The following PHLDB1 variants were observed in gnomAD, a reference collection of about 807,000 sequenced individuals.
The protein encoded by PHLDB1 is pleckstrin homology like domain family B member 1, also known as pleckstrin homology-like domain family B member 1.
Under a neutral mutation model 139.3 loss-of-function variants are expected in PHLDB1, and 65 were observed. The ratio of observed to expected loss-of-function variants is 0.47; its 90% CI spans 0.38 to 0.57. The LOEUF is 0.57. Among genes scored for constraint, PHLDB1 ranks in the 20% least tolerant of loss-of-function variants. PHLDB1 has a pLI of 0.00. For synonymous variants in PHLDB1, 679 were observed against 734.5 expected, an observed-to-expected ratio of 0.92 and a Z score of 1.22; for missense variants, 1,624 against 1,839.7, an observed-to-expected ratio of 0.88 and a Z score of 2.14.
intron 12 of PHLDB1, chr11:118,641,610 C>T: frequency 7.8e-7 from 1 of 1,275,678 alleles, no homozygotes; most frequent in Non-Finnish European, 1.0e-6. Flanking sequence ...GGCCTTGCTC[C>T]AAGTACGTGA....
rs1949135926 is a variant in PHLDB1 at position 118,656,872 on chromosome 11, G to A, written c.*49G>A. On this transcript the variant is annotated 3_prime_UTR_variant, in exon 23 of 23. Coordinates refer to ENST00000600882, the MANE Select transcript of PHLDB1 (RefSeq NM_001144758.3). Reference sequence around the variant, plus strand: ...CACAACTGGGGCTTTTGTATAAGAAGACTTTAATATTCTGTAAGGAGCTTG... The same window carrying A: ...CACAACTGGGGCTTTTGTATAAGAAAACTTTAATATTCTGTAAGGAGCTTG... The A allele has an allele frequency of 6.5e-7, 1 of 1,542,496 alleles. No homozygotes were observed. Among genetic ancestry groups the A allele is most frequent in the Non-Finnish European group, 8.9e-7 (1 of 1,124,170 alleles).
intron 10 of PHLDB1, among the ~76,000 whole-genome samples, chr11:118,636,048 C>T (rs1555115390): frequency 6.6e-6 from 1 of 152,188 alleles, no homozygotes; most frequent in African/African-American, 2.4e-5. Flanking sequence ...TGTGGCCTGG[C>T]CAGCTGTGAC....
Position 118,628,523 on chromosome 11 carries a change from T to TG in PHLDB1, c.1701dup (p.Arg568AlafsTer11). On this transcript the variant is annotated frameshift_variant, in exon 6 of 23. Transcript: ENST00000600882. LOFTEE classifies it high-confidence loss of function. ...CAGAGGAAGCTCTCCAGCGGGGACT[T>TG]GCGGGTGCCTGTCACAAGGGAGCGG... 1 of 1,613,234 alleles carries TG rather than the reference T, an allele frequency of 6.2e-7. No homozygotes were observed. Among genetic ancestry groups the TG allele is most frequent in the Non-Finnish European group, 8.5e-7 (1 of 1,180,026 alleles).
Position 118,628,432 on chromosome 11 carries a change from A to C in PHLDB1, c.1609A>C (p.Arg537=), listed in dbSNP as rs782330990. Residue 537 remains arginine (R), a synonymous_variant, in exon 6 of 23, where the codon AGG becomes CGG. Transcript: ENST00000600882. The part of the protein sequence containing the change: ...LAPHKGSFSG[R]LSPAYSLGSL... The stretch of plus-strand genomic sequence containing the variant: ...ACCCCACAAGGGCAGCTTCAGTGGC[A>C]GGCTGAGCCCAGCCTACAGTCTGGG... 4 of 1,610,212 alleles carry C rather than the reference A, an allele frequency of 2.5e-6. No homozygotes were observed. In the South Asian group the frequency reaches 4.4e-5, roughly 18 times the overall value.
chr11:118,657,302 A>G lies in PHLDB1; in HGVS notation c.*479A>G, dbSNP rs1949163024. 1 of 155,232 alleles carries G rather than the reference A, an allele frequency of 6.4e-6. No individual in the cohort carries two copies. The highest frequency in any genetic ancestry group is 1.4e-5 in the Non-Finnish European group (1 of 69,602). 9.6% of individuals were successfully genotyped at this position (155,232 alleles called of 1,614,324 possible). On this transcript the variant is annotated 3_prime_UTR_variant, in exon 23 of 23. Transcript: ENST00000600882. ...CTTTTTATTACCTTGCTCAAGGGCC[A>G]GAGATCTCAAGTGTCAACCTTGAGG... is the stretch of plus-strand genomic sequence containing the variant.
chr11:118,639,585 G>A (rs922913049), intron 12 of PHLDB1: 1 of 412,318 alleles, frequency 2.4e-6, no homozygotes, highest in Admixed American at 3.5e-5. Context: ...ACCTTGAAGG[G>A]GAGCATAGGG....
rs757256193 is a variant in PHLDB1 at position 118,635,541 on chromosome 11, A to G, written c.2528A>G (p.Lys843Arg). The G allele has an allele frequency of 8.4e-6, 13 of 1,548,322 alleles. No individual in the cohort carries two copies. The highest frequency in any genetic ancestry group is 2.5e-5 in the South Asian group (2 of 80,934). Residue 843 changes from lysine (K) to arginine (R), a missense_variant, in exon 10 of 23, where the codon AAG (lysine) becomes AGG (arginine). Lys to Arg is a conservative substitution (Grantham distance 26). Transcript: ENST00000600882. ...SKAELLRSIA[K>R]RKERLAILDS... ...GCTGAGCTGCTCCGCAGCATCGCCAAGAGGAAGGTGTGCCCCACCTCGTTC... is the reference window on the plus strand; with the variant it reads ...GCTGAGCTGCTCCGCAGCATCGCCAGGAGGAAGGTGTGCCCCACCTCGTTC...
At chr11:118,607,329 TGTG>T (rs60326273), upstream of PHLDB1, among the ~76,000 whole-genome samples, 6,250 of 56,912 alleles carry the variant, frequency 0.11, 374 homozygotes, top group Non-Finnish European at 0.13. Flanking sequence ...GAGGGGGATG[TGTG>T]GTGGTGGTGG....
Position 118,612,513 on chromosome 11 carries a change from G to A in PHLDB1, c.-21-1303G>A, listed in dbSNP as rs572219417. On this transcript the variant is annotated intron_variant, in intron 1 of 22. Transcript: ENST00000600882. ...TGGGGAGGTGCCAGGCCAGCTTGGG[G>A]CTTTGCATAGGTTAATGGCGTTTTC... 6.6e-5 allele frequency among the ~76,000 whole-genome samples: 10 copies of A among 152,258 alleles called. No homozygotes were observed. The South Asian group carries it at 1.2e-3, about 19-fold the overall frequency.
intron 17 of PHLDB1, chr11:118,646,585 G>C (rs1252838251): frequency 6.6e-6 from 1 of 152,144 alleles, no homozygotes; most frequent in Non-Finnish European, 1.5e-5. Context: ...GTTGGCAGGG[G>C]AACCTTGGGA....
In PHLDB1 at chr11:118,656,749, T is replaced by A. The variant is rs1555142202; in HGVS notation, c.4060T>A (p.Ser1354Thr). ...CCGGCTGTACTACATGGTGGCCCCA[T>A]CTGCAGAGGCCATGCGTATCTGGAT... The part of the protein sequence containing the change: ...HDRLYYMVAP[S>T]AEAMRIWMDV... The change falls in exon 23 of 23, where the codon TCT (serine) becomes ACT (threonine). Residue 1354 changes from serine (S) to threonine (T), a missense_variant. Coordinates refer to ENST00000600882, the MANE Select transcript of PHLDB1 (RefSeq NM_001144758.3). 1.2e-6 allele frequency: 2 copies of A among 1,613,572 alleles called. No homozygotes were observed. The highest frequency in any genetic ancestry group is 8.5e-7 in the Non-Finnish European group (1 of 1,179,488).
intron 4 of PHLDB1, 107 bp from the exon 5 acceptor site, chr11:118,624,827 C>T: frequency 8.6e-7 from 1 of 1,163,708 alleles, no homozygotes; most frequent in Non-Finnish European, 1.3e-6. Flanking sequence ...CCAGGCTGGT[C>T]TCCAACTCCC....
intron 17 of PHLDB1, chr11:118,647,005 T>A (rs1276216363): frequency 6.6e-6 from 1 of 152,210 alleles, no homozygotes; most frequent in Non-Finnish European, 1.5e-5. Context: ...AGGTCTTTAT[T>A]AGTAATTAAG....
At position 118,642,273 on chromosome 11, in the gene PHLDB1, C is replaced by T; in HGVS notation, c.2756C>T (p.Pro919Leu). Reference protein sequence around the residue: ...TLKEMEKLLLPAVDLEQWYQE... With the variant: ...TLKEMEKLLLLAVDLEQWYQE... ...CTCCAGATGGAGAAGCTGCTGCTCC[C>T]TGCTGTAGACTTAGAGCAGTGGTAC... Residue 919 changes from proline to leucine, a missense_variant, in exon 13 of 23, where the codon CCT (proline) becomes CTT (leucine). Coordinates refer to ENST00000600882, the MANE Select transcript of PHLDB1 (RefSeq NM_001144758.3). 6.2e-7 allele frequency: 1 copy of T among 1,613,184 alleles called. No homozygotes were observed. Among genetic ancestry groups the T allele is most frequent in the Non-Finnish European group, 8.5e-7 (1 of 1,179,978 alleles).
chr11:118,629,458 G>A (rs920444096), intron 6 of PHLDB1, among the ~76,000 whole-genome samples: 3 of 152,186 alleles, frequency 2.0e-5, no homozygotes, highest in South Asian at 2.1e-4. Context: ...GTACACAGTC[G>A]AGCCCATGTA....
At chr11:118,644,878 C>T in intron 15 of PHLDB1, 1 of 266,452 alleles carries the variant, frequency 3.8e-6, no homozygotes, top group South Asian at 3.2e-5. Context: ...TCTACCGTGT[C>T]TCCCCTGCCT....
At chr11:118,647,879 G>T (rs1479590063) in intron 17 of PHLDB1, 51 bp from the exon 18 acceptor site, 5 of 1,539,062 alleles carry the variant, frequency 3.2e-6, no homozygotes, top group South Asian at 2.4e-5. Context: ...AAGAGGGCCA[G>T]TGGGGGGAAG....
Position 118,631,292 on chromosome 11 carries a change from G to T in PHLDB1, c.1913G>T (p.Ser638Ile). 1 of 1,535,850 alleles carries T rather than the reference G, an allele frequency of 6.5e-7. No individual in the cohort carries two copies. The highest frequency in any genetic ancestry group is 8.8e-7 in the Non-Finnish European group (1 of 1,142,386). The change falls in exon 7 of 23, where the codon AGC (serine) becomes ATC (isoleucine). Residue 638 changes from serine (S) to isoleucine (I), a missense_variant. Physicochemically the swap from Ser to Ile is moderately radical, Grantham distance 142. Coordinates refer to ENST00000600882, the MANE Select transcript of PHLDB1 (RefSeq NM_001144758.3). ...DGGPEAGELP[S>I]IGEATAALAL... ...GGACCTGAGGCTGGGGAGCTTCCCA[G>T]CATTGGGGAGGCCACCGCAGCATTG...
At chr11:118,625,489 C>T (rs151330421) in intron 5 of PHLDB1, among the ~76,000 whole-genome samples, 7 of 152,332 alleles carry the variant, frequency 4.6e-5, no homozygotes, top group South Asian at 2.1e-4. Flanking sequence ...ATGCCCTGCC[C>T]GCTGATGACT....
Sources: gnomAD v4.1 joint callset for allele counts (sites outside exome capture counted in the v4.1 genomes callset) on GRCh38, gnomAD v4.1.1 for gene constraint, MANE v1.5 for transcripts, NCBI Gene and HGNC (gene_info 2026-07-23, HGNC 2026-07-21) for gene names.